PTPRR: variants seen among roughly 807,000 people sequenced by gnomAD.
PTPRR encodes the protein receptor-type tyrosine-protein phosphatase R.
Under a neutral mutation model 77.2 loss-of-function variants are expected in PTPRR, and 38 were observed. The ratio of observed to expected loss-of-function variants is 0.49; its 90% CI spans 0.38 to 0.65. PTPRR has a LOEUF of 0.65. PTPRR is among the 30% of genes least tolerant of loss of function. The pLI is 0.00. For missense variants in PTPRR, 744 were observed against 799.2 expected, an observed-to-expected ratio of 0.93 and a Z score of 0.83; for synonymous variants, 299 against 283.1, an observed-to-expected ratio of 1.06 and a Z score of -0.57.
chr12:70,736,439 C>T (rs547386224), intron 6 of PTPRR, among the ~76,000 whole-genome samples: 62 of 152,228 alleles, frequency 4.1e-4, no homozygotes, highest in Middle Eastern at 3.4e-3. Context: ...TCCTCCCAAC[C>T]CCCAAAGCAT....
chr12:70,824,971 A>T (rs544084383), intron 2 of PTPRR, among the ~76,000 whole-genome samples: 1 of 152,304 alleles, frequency 6.6e-6, no homozygotes, highest in South Asian at 2.1e-4. Flanking sequence ...CTCCATGTAC[A>T]GTCAAGAAAG....
At chr12:70,903,531 T>C (rs1439667989) in intron 1 of PTPRR, among the ~76,000 whole-genome samples, 1 of 151,862 alleles carries the variant, frequency 6.6e-6, no homozygotes, top group East Asian at 1.9e-4. Flanking sequence ...TAGACATCCA[T>C]ATGTAACAAA....
At chr12:70,897,165 T>A (rs866099662) in intron 1 of PTPRR, among the ~76,000 whole-genome samples, 5 of 151,804 alleles carry the variant, frequency 3.3e-5, no homozygotes, top group East Asian at 1.9e-4. Flanking sequence ...GATCTAATTA[T>A]ACTAAAGAGC....
intron 6 of PTPRR, among the ~76,000 whole-genome samples, chr12:70,735,011 C>A (rs1889813235): frequency 6.6e-6 from 1 of 152,008 alleles, no homozygotes; most frequent in Admixed American, 6.6e-5. Flanking sequence ...TTCTTCATTC[C>A]TGTGGGGTCT....
chr12:70,867,461 T>G (rs1447845216), intron 2 of PTPRR, among the ~76,000 whole-genome samples: 1 of 151,958 alleles, frequency 6.6e-6, no homozygotes, highest in Non-Finnish European at 1.5e-5. Context: ...ATAAAATACC[T>G]AGGAATCCAA....
Position 70,915,648 on chromosome 12 carries a change from T to A in PTPRR, c.58+4685A>T, listed in dbSNP as rs553581003. Among the ~76,000 whole-genome samples, 57 of 152,326 alleles carry A rather than the reference T, an allele frequency of 3.7e-4. No individual in the cohort carries two copies. In the South Asian group the frequency reaches 4.8e-3, roughly 13 times the overall value. On this transcript the variant is annotated intron_variant, in intron 1 of 13. Coordinates refer to ENST00000283228, the MANE Select transcript of PTPRR (RefSeq NM_002849.4). ...GTTTGAAAGACTTTTTTCACTGAGT[T>A]GATTAGTAGTTCTGGTCTAACACAA... is the stretch of plus-strand genomic sequence containing the variant.
At chr12:70,666,890 T>G (rs1887016596) in intron 10 of PTPRR, among the ~76,000 whole-genome samples, 1 of 150,364 alleles carries the variant, frequency 6.7e-6, no homozygotes, top group African/African-American at 2.4e-5. Flanking sequence ...ATACTTTTTT[T>G]ATGATTCTCA....
chr12:70,720,762 G>A (rs950204259), intron 6 of PTPRR, among the ~76,000 whole-genome samples: 12 of 152,014 alleles, frequency 7.9e-5, no homozygotes, highest in Non-Finnish European at 1.0e-4. Flanking sequence ...ACTTACAGGC[G>A]TGAGCCACCA....
intron 12 of PTPRR, 23 bp from the exon 13 acceptor site, chr12:70,656,840 T>C (rs771634975): frequency 4.8e-6 from 7 of 1,467,214 alleles, no homozygotes; most frequent in African/African-American, 2.8e-5. Flanking sequence ...GAAAAGAAAT[T>C]TAAAAAGTGG....
Position 70,662,904 on chromosome 12 carries a change from C to T in PTPRR, c.1498-299G>A, listed in dbSNP as rs7954475. ...AAAGGCAGAATTACCCAAAACTCCT[C>T]AGAGAAATTAAGAACTAATTAAGAA... is the stretch of plus-strand genomic sequence containing the variant. On this transcript the variant is annotated intron_variant, in intron 10 of 13. Coordinates refer to ENST00000283228, the MANE Select transcript of PTPRR (RefSeq NM_002849.4). Among the ~76,000 whole-genome samples the T allele has an allele frequency of 0.18, 26,784 of 150,876 alleles. 3,237 individuals carry two copies. Among genetic ancestry groups the T allele is most frequent in the African/African-American group, 0.35 (14,278 of 41,224 alleles).
intron 2 of PTPRR, among the ~76,000 whole-genome samples, chr12:70,852,774 T>C (rs1306578518): frequency 6.6e-6 from 1 of 152,228 alleles, no homozygotes; most frequent in African/African-American, 2.4e-5. Flanking sequence ...TTTGGACTTC[T>C]ACATACTTGC....
chr12:70,790,902 C>A (rs1315243934), intron 2 of PTPRR, among the ~76,000 whole-genome samples: 5 of 151,978 alleles, frequency 3.3e-5, no homozygotes, highest in Admixed American at 3.3e-4. Flanking sequence ...TCTTGTCTCC[C>A]TTCTTTCTCT....
At chr12:70,920,174 C>G (rs1893834878) in intron 1 of PTPRR, among the ~76,000 whole-genome samples, 159 bp downstream of exon 1, 1 of 152,146 alleles carries the variant, frequency 6.6e-6, no homozygotes, top group Non-Finnish European at 1.5e-5. Context: ...AGTTTTCCAA[C>G]AGGTGCACGA....
At chr12:70,682,032 C>A (rs1419211325) in intron 10 of PTPRR, among the ~76,000 whole-genome samples, 4 of 93,596 alleles carry the variant, frequency 4.3e-5, no homozygotes, top group African/African-American at 9.9e-5. Context: ...TTTTGTTGTT[C>A]ACTTTTTTTT....
At chr12:70,857,043 T>C (rs950327478) in intron 2 of PTPRR, among the ~76,000 whole-genome samples, 4 of 152,130 alleles carry the variant, frequency 2.6e-5, no homozygotes, top group Non-Finnish European at 5.9e-5. Context: ...TATGAAATGG[T>C]CAAATGACCA....
At chr12:70,873,996 G>T (rs1194344012) in intron 2 of PTPRR, among the ~76,000 whole-genome samples, 1 of 152,034 alleles carries the variant, frequency 6.6e-6, no homozygotes, top group Non-Finnish European at 1.5e-5. Context: ...GTGCTAAGTG[G>T]GTTCTGAGGC....
At chr12:70,751,019 G>A (rs566192752) in intron 5 of PTPRR, among the ~76,000 whole-genome samples, 10 of 151,952 alleles carry the variant, frequency 6.6e-5, no homozygotes, top group East Asian at 5.8e-4. Flanking sequence ...GATTACAGGC[G>A]TGAGCCACTG....
At chr12:70,735,752 T>C (rs911180905) in intron 6 of PTPRR, among the ~76,000 whole-genome samples, 1 of 152,222 alleles carries the variant, frequency 6.6e-6, no homozygotes, top group African/African-American at 2.4e-5. Context: ...TAAGTCTCTC[T>C]GTTAGCATAA....
rs1890774727 is a variant in PTPRR at position 70,764,747 on chromosome 12, A to G, written c.389T>C (p.Ile130Thr). Residue 130 changes from isoleucine (I) to threonine (T), a missense_variant, in exon 3 of 14, where the codon ATA becomes ACA. Ile to Thr is a moderately conservative substitution (Grantham distance 89). This residue lies in a region of PTPRR where 570 missense variants were observed against 573.2 expected (regional missense o/e 0.99). Transcript: ENST00000283228. The part of the protein sequence containing the change: ...TLQMDVNKLN[I>T]TLLRIFRQGV... ...TTGGCGGAAGATCCGAAGCAAGGTT[A>G]TGTTCAGCTTGTTTACATCCATTTG... 1.2e-6 allele frequency: 2 copies of G among 1,614,028 alleles called. No homozygotes were observed. The highest frequency in any genetic ancestry group is 2.7e-5 in the African/African-American group (2 of 74,940).
Sources: gnomAD v4.1 joint callset for allele counts (sites outside exome capture counted in the v4.1 genomes callset) on GRCh38, gnomAD v4.1.1 for gene constraint, gnomAD v4.1.1 regional missense constraint, MANE v1.5 for transcripts, NCBI Gene and HGNC (gene_info 2026-07-23, HGNC 2026-07-21) for gene names.